The following MTBP variants were observed in gnomAD, a reference collection of about 807,000 sequenced individuals.
The protein encoded by MTBP is mdm2-binding protein.
In MTBP, 101 loss-of-function variants were observed where a neutral mutation model predicts 117.0. That is an observed-to-expected ratio of 0.86 (90% CI 0.73 to 1.02). The LOEUF (loss-of-function observed/expected upper bound fraction) is 1.02, where lower values mean the gene tolerates loss of function less well. Among genes scored for constraint, MTBP ranks in the 50% least tolerant of loss-of-function variants. MTBP has a pLI of 0.00. For synonymous variants in MTBP, 350 were observed against 351.5 expected (o/e 1.00, Z 0.05); for missense variants, 970 against 1,030.9 (o/e 0.94, Z 0.81).
chr8:120,458,343 A>G (rs1044888151), intron 7 of MTBP, among the ~76,000 whole-genome samples: 70 of 152,328 alleles, frequency 4.6e-4, no homozygotes, highest in African/African-American at 1.6e-3. Flanking sequence ...TGATGATAAT[A>G]GTTCCTATCG....
At chr8:120,495,510 T>G (rs1007316264) in intron 13 of MTBP, among the ~76,000 whole-genome samples, 1 of 152,084 alleles carries the variant, frequency 6.6e-6, no homozygotes, top group African/African-American at 2.4e-5. Context: ...TCTGAATTTT[T>G]TTTTATCTTT....
At position 120,453,924 on chromosome 8, in the gene MTBP, T is replaced by C. The variant is rs1249029479; in HGVS notation, c.484+19T>C. ...GCTCCTGGTAATATTTTATGACTGC[T>C]TTCAATAATTTGTATCTTATCTTAT... On this transcript the variant is annotated intron_variant, in intron 5 of 21. Coordinates refer to ENST00000305949, the MANE Select transcript of MTBP (RefSeq NM_022045.5). 6.8e-7 allele frequency: 1 copy of C among 1,466,246 alleles called. No homozygotes were observed. The highest frequency in any genetic ancestry group is 1.2e-5 in the South Asian group (1 of 80,136). 90.8% of individuals were successfully genotyped at this position (1,466,246 alleles called of 1,614,324 possible).
intron 11 of MTBP, chr8:120,472,997 T>A (rs1813853362): frequency 2.0e-5 from 3 of 152,152 alleles, no homozygotes; most frequent in Admixed American, 2.0e-4. Flanking sequence ...CCACTGGGGA[T>A]TGGTTCCAGG....
intron 13 of MTBP, among the ~76,000 whole-genome samples, chr8:120,494,089 G>A (rs1214102444): frequency 6.6e-6 from 1 of 152,198 alleles, no homozygotes. Context: ...CATTGGTGAT[G>A]CAGGATTTTA....
At chr8:120,494,888 A>G (rs888667186) in intron 13 of MTBP, among the ~76,000 whole-genome samples, 1 of 151,876 alleles carries the variant, frequency 6.6e-6, no homozygotes, top group African/African-American at 2.4e-5. Flanking sequence ...TTTCTGCTGC[A>G]CTCCTATCAT....
At chr8:120,489,172 GGGACTAC>G (rs1814287581) in intron 12 of MTBP, among the ~76,000 whole-genome samples, 1 of 151,282 alleles carries the variant, frequency 6.6e-6, no homozygotes, top group Non-Finnish European at 1.5e-5. Context: ...CCAAGTAGCT[GGGACTAC>G]AGGTGTGCAC....
At chr8:120,448,018 C>T (rs1201384205) in intron 2 of MTBP, among the ~76,000 whole-genome samples, 1 of 152,084 alleles carries the variant, frequency 6.6e-6, no homozygotes, top group Non-Finnish European at 1.5e-5. Flanking sequence ...CCTCAACCTC[C>T]CCGGCTCAAG....
Position 120,497,514 on chromosome 8 carries a change from A to C in MTBP, c.1569A>C (p.Leu523=), listed in dbSNP as rs1236257749. 2.5e-6 allele frequency: 4 copies of C among 1,570,834 alleles called. No homozygotes were observed. The South Asian group carries it at 4.6e-5, about 18-fold the overall frequency. Residue 523 remains leucine, a synonymous_variant, in exon 14 of 22, where the codon CTA becomes CTC. Transcript: ENST00000305949. ...YFDAVIPKMI[L]RKMDKIKTFN... is the part of the protein sequence containing the mutation. ...ATGCTGTGATTCCTAAAATGATTCT[A>C]AGAAAGATGGACAAAATTAAAACCT...
At chr8:120,460,488 A>T (rs1813559818) in intron 8 of MTBP, among the ~76,000 whole-genome samples, 2 of 152,110 alleles carry the variant, frequency 1.3e-5, no homozygotes, top group Admixed American at 1.3e-4. Flanking sequence ...CCTCTTCAAG[A>T]AGTGTGCTCT....
In MTBP at chr8:120,495,839, A is replaced by T. The variant is rs1814442483; in HGVS notation, c.1448-1554A>T. 2.0e-5 allele frequency among the ~76,000 whole-genome samples: 3 copies of T among 152,222 alleles called. No homozygotes were observed. The South Asian group carries it at 6.2e-4, about 32-fold the overall frequency. On this transcript the variant is annotated intron_variant, in intron 13 of 21. Coordinates refer to ENST00000305949, the MANE Select transcript of MTBP (RefSeq NM_022045.5). ...CATTTGTCTATGAGAAAATTATAGC[A>T]AACTTTGTTTAGCTTTCTACAATGC...
rs1814262841 is a variant in MTBP at position 120,488,312 on chromosome 8, A to G, written c.1319A>G (p.Lys440Arg). The G allele has an allele frequency of 4.5e-6, 7 of 1,553,118 alleles. No homozygotes were observed. The highest frequency in any genetic ancestry group is 5.2e-6 in the Non-Finnish European group (6 of 1,157,344). ...TTAATTCATGGAAAGATGAAAACAA[A>G]GACAGAAGAAGCCAAATTGAGTAAG... ...LNLIHGKMKT[K>R]TEEAKLSFPF... Residue 440 changes from lysine to arginine, a missense_variant, in exon 12 of 22, where the codon AAG becomes AGG. Transcript: ENST00000305949.
Position 120,523,344 on chromosome 8 carries a change from T to C in MTBP, c.*8T>C, listed in dbSNP as rs1488107630. ...AAGACAAGCAAGAAATGATACATAA[T>C]CATTCTCTTTAAGACAATTATAAAT... On this transcript the variant is annotated 3_prime_UTR_variant, in exon 22 of 22. Coordinates refer to ENST00000305949, the MANE Select transcript of MTBP (RefSeq NM_022045.5). 6.5e-7 allele frequency: 1 copy of C among 1,530,308 alleles called. No individual in the cohort carries two copies. Among genetic ancestry groups the C allele is most frequent in the Non-Finnish European group, 8.9e-7 (1 of 1,121,940 alleles). The allele number at this position is 1,530,308 out of a possible 1,614,324, so 94.8% of individuals were successfully genotyped here. A position where few individuals can be genotyped will look rare whatever the true frequency, so the allele number is the denominator to read the frequency against.
intron 16 of MTBP, among the ~76,000 whole-genome samples, chr8:120,509,321 G>T (rs1814752671): frequency 6.6e-6 from 1 of 152,174 alleles, no homozygotes; most frequent in South Asian, 2.1e-4. Context: ...CTGCCTCTTG[G>T]CTGGACGCAG....
rs1309620007 is a variant in MTBP at position 120,461,193 on chromosome 8, T to C, written c.915T>C (p.Phe305=). The change falls in exon 9 of 22, where the codon TTT becomes TTC. Residue 305 remains phenylalanine, a synonymous_variant. Transcript: ENST00000305949. ...VFHYYGPALE[F]VQMIKLSDLP... ...ATTATTATGGCCCTGCTTTAGAATT[T>C]GTGCAGATGATAAAATTATCAGATC... 2 of 1,604,954 alleles carry C rather than the reference T, an allele frequency of 1.2e-6. No homozygotes were observed. Among genetic ancestry groups the C allele is most frequent in the Admixed American group, 1.7e-5 (1 of 59,958 alleles).
chr8:120,470,692 G>C, intron 10 of MTBP, 128 bp from the exon 11 acceptor site: 1 of 630,654 alleles, frequency 1.6e-6, no homozygotes, highest in South Asian at 2.7e-5. Context: ...TTATAGTGGA[G>C]TTTTTGGGAG....
chr8:120,458,516 A>G (rs1813517365), intron 7 of MTBP, among the ~76,000 whole-genome samples: 1 of 152,070 alleles, frequency 6.6e-6, no homozygotes, highest in Non-Finnish European at 1.5e-5. Context: ...AAGACAAACT[A>G]TGTGAGACAC....
At chr8:120,466,919 T>G (rs150933428) in intron 10 of MTBP, among the ~76,000 whole-genome samples, 1 of 152,252 alleles carries the variant, frequency 6.6e-6, no homozygotes, top group Non-Finnish European at 1.5e-5. Flanking sequence ...ATTAAACAAT[T>G]AATTTTTTTA....
chr8:120,474,686 C>T (rs1296043407), intron 11 of MTBP, among the ~76,000 whole-genome samples: 1 of 151,750 alleles, frequency 6.6e-6, no homozygotes, highest in African/African-American at 2.4e-5. Context: ...TCAGTTATAC[C>T]TTTTATTCAT....
At position 120,445,463 on chromosome 8, in the gene MTBP, C is replaced by T. The variant is rs1813201646; in HGVS notation, c.-8C>T. 6.2e-7 allele frequency: 1 copy of T among 1,611,878 alleles called. No homozygotes were observed. The highest frequency in any genetic ancestry group is 8.5e-7 in the Non-Finnish European group (1 of 1,178,786). On this transcript the variant is annotated 5_prime_UTR_variant, in exon 1 of 22. Coordinates refer to ENST00000305949, the MANE Select transcript of MTBP (RefSeq NM_022045.5). ...GAGACCTAAAGTTGGGGGGTGATCT[C>T]TGAGGAGATGGATCGGTACCTGCTG...
Sources: allele counts gnomAD v4.1 joint callset (sites outside exome capture counted in the v4.1 genomes callset), GRCh38; gene constraint gnomAD v4.1.1; transcripts MANE v1.5; gene names NCBI Gene and HGNC (gene_info 2026-07-23, HGNC 2026-07-21).